USP32: variants seen among roughly 807,000 people sequenced by gnomAD.
The protein encoded by USP32 is ubiquitin carboxyl-terminal hydrolase 32.
A neutral mutation model predicts 204.8 loss-of-function variants in USP32; 59 were observed. That is an observed-to-expected ratio of 0.29 (90% CI 0.23 to 0.36). USP32 has a LOEUF of 0.36. Among genes scored for constraint, USP32 ranks in the 10% least tolerant of loss-of-function variants. The pLI is 1.00. For missense variants in USP32, 1,160 were observed against 1,946.4 expected (o/e 0.60, Z 7.60); for synonymous variants, 517 against 678.4 (o/e 0.76, Z 3.70).
intron 26 of USP32, among the ~76,000 whole-genome samples, chr17:60,198,858 A>G (rs2084596242): frequency 6.6e-6 from 1 of 152,234 alleles, no homozygotes; most frequent in Non-Finnish European, 1.5e-5. Context: ...TCACGCCTGT[A>G]ATCCCAGCAC....
At chr17:60,273,412 TTAA>T (rs1313191013) in intron 5 of USP32, among the ~76,000 whole-genome samples, 1 of 152,152 alleles carries the variant, frequency 6.6e-6, no homozygotes, top group Non-Finnish European at 1.5e-5. Context: ...GGGTCTCTAC[TTAA>T]TAAACAGAGA....
At chr17:60,333,435 A>G (rs531247401) in intron 2 of USP32, among the ~76,000 whole-genome samples, 1 of 152,058 alleles carries the variant, frequency 6.6e-6, no homozygotes, top group Non-Finnish European at 1.5e-5. Context: ...CCCCATCTCT[A>G]CTACAAATAC....
intron 1 of USP32, among the ~76,000 whole-genome samples, chr17:60,402,718 A>T (rs1158616994): frequency 6.6e-6 from 1 of 152,238 alleles, no homozygotes; most frequent in African/African-American, 2.4e-5. Context: ...CAATGACAAC[A>T]TTTATTTTGC....
chr17:60,233,087 G>C (rs920891904), intron 12 of USP32, among the ~76,000 whole-genome samples: 2 of 152,128 alleles, frequency 1.3e-5, no homozygotes, highest in African/African-American at 4.8e-5. Flanking sequence ...AAGTGCAAGG[G>C]ACAAGAGTCC....
At chr17:60,192,571 A>T (rs1485044550) in intron 28 of USP32, among the ~76,000 whole-genome samples, 2 of 152,068 alleles carry the variant, frequency 1.3e-5, no homozygotes, top group African/African-American at 4.8e-5. Context: ...AGTAGCTGGG[A>T]TTACAGGCAC....
chr17:60,226,186 C>T lies in USP32; in HGVS notation c.1285G>A (p.Gly429Arg). Residue 429 changes from glycine to arginine, a missense_variant, in exon 13 of 34, where the codon GGA becomes AGA. By Grantham distance (125) the Gly-to-Arg change is moderately radical (BLOSUM62 -2). This residue lies in a region of USP32 where 536 missense variants were observed against 680.9 expected (regional missense o/e 0.79). Transcript: ENST00000300896. ...VIEPSSVLNG[G>R]KYSFGTAAHP... ...GCTGCAGTTCCAAATGAGTATTTTC[C>T]TCCATTCAAAACAGATGATGGCTCA... is the stretch of plus-strand genomic sequence containing the variant. 6.3e-7 allele frequency: 1 copy of T among 1,585,074 alleles called. No homozygotes were observed. The highest frequency in any genetic ancestry group is 1.4e-5 in the African/African-American group (1 of 73,022).
intron 9 of USP32, among the ~76,000 whole-genome samples, chr17:60,262,884 C>G (rs1290730939): frequency 6.6e-6 from 1 of 152,118 alleles, no homozygotes; most frequent in Admixed American, 6.5e-5. Flanking sequence ...CAGCAGAAAT[C>G]TTCTGGACTT....
intron 1 of USP32, among the ~76,000 whole-genome samples, chr17:60,356,235 G>A (rs2089073861): frequency 6.6e-6 from 1 of 152,150 alleles, no homozygotes; most frequent in Non-Finnish European, 1.5e-5. Context: ...AGAAAGCAGT[G>A]GCAGATGGGG....
intron 33 of USP32, among the ~76,000 whole-genome samples, chr17:60,180,182 C>T (rs1451709867): frequency 2.6e-5 from 4 of 152,112 alleles, no homozygotes; most frequent in African/African-American, 4.8e-5. Flanking sequence ...CGCGCCAACA[C>T]GCCCAACTAA....
At chr17:60,405,546 G>C (rs2089969172) in intron 1 of USP32, among the ~76,000 whole-genome samples, 3 of 152,128 alleles carry the variant, frequency 2.0e-5, no homozygotes. Context: ...TGAATTGCTT[G>C]AGCCCAAGAA....
chr17:60,338,858 C>T (rs891136288), intron 2 of USP32, among the ~76,000 whole-genome samples: 1 of 152,164 alleles, frequency 6.6e-6, no homozygotes, highest in Non-Finnish European at 1.5e-5. Context: ...TCAAGTAATA[C>T]ATGGTTACGA....
At chr17:60,231,276 C>A (rs561361674) in intron 12 of USP32, among the ~76,000 whole-genome samples, 4 of 152,264 alleles carry the variant, frequency 2.6e-5, no homozygotes, top group African/African-American at 9.6e-5. Context: ...ACAGTTATGT[C>A]AATTTCATAT....
Position 60,219,717 on chromosome 17 carries a change from T to C in USP32, c.1820A>G (p.Gln607Arg). ...LFPRYLLFLR[Q>R]QPATRTQQSN... ...CTGCTGTGTCCGAGTGGCAGGCTGC[T>C]GTCTCAGGAAGAGAAGATAGCGGGG... Residue 607 changes from glutamine to arginine, a missense_variant, in exon 16 of 34, where the codon CAG becomes CGG. Around this residue, in one of 8 missense-constraint regions of USP32, gnomAD observed 37 missense variants for 62.6 expected, o/e 0.59. Coordinates refer to ENST00000300896, the MANE Select transcript of USP32 (RefSeq NM_032582.4). 1 of 1,613,670 alleles carries C rather than the reference T, an allele frequency of 6.2e-7. No homozygotes were observed. Among genetic ancestry groups the C allele is most frequent in the Non-Finnish European group, 8.5e-7 (1 of 1,179,884 alleles).
At chr17:60,252,275 G>A (rs1265634037) in intron 11 of USP32, 106 bp downstream of exon 11, 1 of 883,376 alleles carries the variant, frequency 1.1e-6, no homozygotes, top group Non-Finnish European at 1.7e-6. Context: ...AACTATTTTT[G>A]AGAAATAGTT....
chr17:60,209,981 A>G (rs1182267794), intron 21 of USP32, among the ~76,000 whole-genome samples: 3 of 152,032 alleles, frequency 2.0e-5, no homozygotes, highest in African/African-American at 7.2e-5. Flanking sequence ...ATAATAATAC[A>G]TAACATGTAT....
At chr17:60,322,134 G>C (rs1477000003) in intron 2 of USP32, among the ~76,000 whole-genome samples, 1 of 151,854 alleles carries the variant, frequency 6.6e-6, no homozygotes. Flanking sequence ...CAACATGCTG[G>C]TTCTTTAAAG....
chr17:60,308,619 A>G (rs1303866146), intron 2 of USP32, among the ~76,000 whole-genome samples: 3 of 152,220 alleles, frequency 2.0e-5, no homozygotes, highest in African/African-American at 4.8e-5. Context: ...AGAAAACTGG[A>G]TAACTATACG....
intron 2 of USP32, among the ~76,000 whole-genome samples, chr17:60,313,303 G>A (rs2087899157): frequency 6.6e-6 from 1 of 152,092 alleles, no homozygotes; most frequent in Non-Finnish European, 1.5e-5. Flanking sequence ...TCCTATATGT[G>A]TGTGTTTTGA....
chr17:60,185,204 T>TCA (rs1263269139), intron 30 of USP32, among the ~76,000 whole-genome samples: 2 of 152,246 alleles, frequency 1.3e-5, no homozygotes, highest in African/African-American at 4.8e-5. Flanking sequence ...GTGGCAGTTC[T>TCA]CACATTGCAC....
Sources: allele counts gnomAD v4.1 joint callset (sites outside exome capture counted in the v4.1 genomes callset), GRCh38; gene constraint gnomAD v4.1.1; regional missense constraint gnomAD v4.1.1; transcripts MANE v1.5; gene names NCBI Gene and HGNC (gene_info 2026-07-23, HGNC 2026-07-21).